Variants in DYNC2H1 observed in about 807,000 individuals in gnomAD.
DYNC2H1 encodes the protein dynein cytoplasmic 2 heavy chain 1, also known as cytoplasmic dynein 2 heavy chain 1.
In DYNC2H1, 410 loss-of-function variants were observed where a neutral mutation model predicts 570.0. That is an observed-to-expected ratio of 0.72 (90% CI 0.66 to 0.78). DYNC2H1 has a LOEUF of 0.78. Among genes scored for constraint, DYNC2H1 ranks in the 30% least tolerant of loss-of-function variants. DYNC2H1 has a pLI of 0.00. For synonymous variants in DYNC2H1, 1,688 were observed against 1,677.6 expected (o/e 1.01, Z -0.15); for missense variants, 4,865 against 5,046.4 (o/e 0.96, Z 1.09).
intron 83 of DYNC2H1, 36 bp from the exon 84 acceptor site, chr11:103,399,627 T>C: frequency 6.9e-7 from 1 of 1,453,888 alleles, no homozygotes; most frequent in Non-Finnish European, 9.5e-7. Context: ...TGATCTGTGT[T>C]ACTATTCGGT....
chr11:103,399,597 C>A, intron 83 of DYNC2H1, 66 bp from the exon 84 acceptor site: 1 of 1,126,344 alleles, frequency 8.9e-7, no homozygotes, highest in Non-Finnish European at 1.3e-6. Flanking sequence ...AAATAAGTTT[C>A]AAAGCGTTTT....
At chr11:103,384,754 TGTA>T (rs1199522257) in intron 83 of DYNC2H1, among the ~76,000 whole-genome samples, 1 of 152,294 alleles carries the variant, frequency 6.6e-6, no homozygotes, top group Admixed American at 6.5e-5. Flanking sequence ...TTCTTGTTGT[TGTA>T]GTCATGTACA....
intron 87 of DYNC2H1, among the ~76,000 whole-genome samples, chr11:103,464,119 AT>A (rs558562620): frequency 1.3e-5 from 2 of 152,248 alleles, no homozygotes; most frequent in Non-Finnish European, 2.9e-5. Context: ...TTAGTTGTTA[AT>A]TTTATAGAAA....
chr11:103,144,269 G>A (rs1271407255), intron 18 of DYNC2H1, among the ~76,000 whole-genome samples: 1 of 152,190 alleles, frequency 6.6e-6, no homozygotes, highest in Non-Finnish European at 1.5e-5. Flanking sequence ...ACAATAGTTA[G>A]TAATCTCATA....
At chr11:103,215,931 A>G in intron 55 of DYNC2H1, 73 bp downstream of exon 55, 1 of 1,505,276 alleles carries the variant, frequency 6.6e-7, no homozygotes, top group Non-Finnish European at 9.0e-7. Flanking sequence ...GTGAAAAATA[A>G]CATTTTCACT....
At chr11:103,140,631 G>C (rs1400436508) in intron 17 of DYNC2H1, among the ~76,000 whole-genome samples, 1 of 151,908 alleles carries the variant, frequency 6.6e-6, no homozygotes, top group Non-Finnish European at 1.5e-5. Flanking sequence ...TTTCTCTCTG[G>C]CTGCCCTTTT....
intron 85 of DYNC2H1, among the ~76,000 whole-genome samples, chr11:103,440,814 T>G (rs1447176542): frequency 6.6e-6 from 1 of 152,178 alleles, no homozygotes; most frequent in Non-Finnish European, 1.5e-5. Context: ...ATATCCAGTC[T>G]ACCAGAAAGT....
At chr11:103,303,780 G>T (rs1213076875) in intron 76 of DYNC2H1, among the ~76,000 whole-genome samples, 1 of 152,136 alleles carries the variant, frequency 6.6e-6, no homozygotes, top group Non-Finnish European at 1.5e-5. Context: ...GCCGCCAGAA[G>T]TCTGATGGTA....
At chr11:103,159,211 C>T (rs932151207) in intron 28 of DYNC2H1, among the ~76,000 whole-genome samples, 184 bp downstream of exon 28, 1 of 152,130 alleles carries the variant, frequency 6.6e-6, no homozygotes, top group African/African-American at 2.4e-5. Context: ...AAATATAATA[C>T]AGTGTGACAA....
rs533896513 is a variant in DYNC2H1, at chr11:103,299,997, G to C, written c.11096-3096G>C. 3.4e-4 allele frequency among the ~76,000 whole-genome samples: 52 copies of C among 151,918 alleles called. No homozygotes were observed. Among genetic ancestry groups the C allele is most frequent in the African/African-American group, 1.2e-3 (51 of 41,458 alleles). On this transcript the variant is annotated intron_variant, in intron 75 of 88. Transcript: ENST00000375735. This position sits in a 1 kb window ranked among gnomAD's most constrained non-coding sequence, Gnocchi z 4.5. ...TTTCCTCTTTTTATTGATGTTTGTG[G>C]TACATTTTTACAATTGTTTTCTCAT... is the stretch of plus-strand genomic sequence containing the variant.
chr11:103,194,484 C>G (rs1246529739), intron 47 of DYNC2H1, among the ~76,000 whole-genome samples: 1 of 152,096 alleles, frequency 6.6e-6, no homozygotes, highest in African/African-American at 2.4e-5. Flanking sequence ...CTTTTTTAAG[C>G]AACTAACAGG....
rs1555071503 is a variant in DYNC2H1, at chr11:103,215,790, AGT to A, written c.8769_8770del (p.Leu2924ThrfsTer2). 1.9e-6 allele frequency: 3 copies of A among 1,612,528 alleles called. No homozygotes were observed. Among genetic ancestry groups the A allele is most frequent in the Non-Finnish European group, 2.5e-6 (3 of 1,179,154 alleles). ...DELNRKAGEQ[S>X]VLLKTKQDEA... is the part of the protein sequence containing the mutation. ...ACTGAACAGAAAAGCTGGAGAACAA[AGT>A]GTGTTACTTAAAACGAAGCAAGATG... On this transcript the variant is annotated frameshift_variant, in exon 55 of 89. Transcript: ENST00000375735. LOFTEE classifies it high-confidence loss of function.
chr11:103,269,868 TA>T (rs1248890035), intron 70 of DYNC2H1, among the ~76,000 whole-genome samples: 2 of 152,080 alleles, frequency 1.3e-5, no homozygotes, highest in Non-Finnish European at 2.9e-5. Flanking sequence ...GTTGTTGGAG[TA>T]TTCATTTTCA....
intron 82 of DYNC2H1, among the ~76,000 whole-genome samples, chr11:103,353,992 C>T (rs890108099): frequency 3.3e-5 from 5 of 151,824 alleles, no homozygotes; most frequent in Non-Finnish European, 7.4e-5. Context: ...TCCTGGCCAA[C>T]ATGAGGAAAC....
chr11:103,317,888 CATTT>C (rs1937949631), intron 80 of DYNC2H1, among the ~76,000 whole-genome samples: 3 of 152,016 alleles, frequency 2.0e-5, no homozygotes, highest in Admixed American at 6.6e-5. Flanking sequence ...CTTGTTTATT[CATTT>C]ATTTTCTTAT....
intron 60 of DYNC2H1, among the ~76,000 whole-genome samples, chr11:103,232,348 A>G (rs913320972): frequency 3.3e-5 from 5 of 152,006 alleles, no homozygotes; most frequent in Non-Finnish European, 5.9e-5. Context: ...GAAGTTGAGC[A>G]GCTAGTAAAA....
At chr11:103,202,294 A>ATTT (rs10635156) in intron 50 of DYNC2H1, among the ~76,000 whole-genome samples, 76,475 of 132,000 alleles carry the variant, frequency 0.58, 23,859 homozygotes, top group Admixed American at 0.71. Context: ...AGAAACACAG[A>ATTT]TTTTTTTTTT....
chr11:103,295,359 C>T (rs1457343591), intron 75 of DYNC2H1, among the ~76,000 whole-genome samples: 1 of 152,130 alleles, frequency 6.6e-6, no homozygotes, highest in South Asian at 2.1e-4. Flanking sequence ...GCTGACTTAT[C>T]CTAGAAGCAG....
rs1591529017 is a variant in DYNC2H1 at position 103,288,729 on chromosome 11, A to G, written c.11095+1124A>G. 6.0e-5 allele frequency among the ~76,000 whole-genome samples: 9 copies of G among 149,644 alleles called. 1 individual carries two copies. On this transcript the variant is annotated intron_variant, in intron 75 of 88. Coordinates refer to ENST00000375735, the MANE Select transcript of DYNC2H1 (RefSeq NM_001377.3). ...AAAAAAAGAAAAGAAAGTAAAAGAA[A>G]GATTAGCCAGGCATGGTGGCGAGTG...
Sources: allele counts gnomAD v4.1 joint callset (sites outside exome capture counted in the v4.1 genomes callset), GRCh38; gene constraint gnomAD v4.1.1; non-coding constraint Gnocchi (gnomAD v3.1); transcripts MANE v1.5; gene names NCBI Gene and HGNC (gene_info 2026-07-23, HGNC 2026-07-21).